MYO9B: variants seen among roughly 807,000 people sequenced by gnomAD.
The protein encoded by MYO9B is unconventional myosin-IXb.
A neutral mutation model predicts 229.5 loss-of-function variants in MYO9B; 71 were observed. The observed-to-expected ratio is 0.31, with a 90% CI of 0.26 to 0.38. MYO9B has a LOEUF of 0.38. MYO9B is among the 10% of genes least tolerant of loss of function. MYO9B has a pLI of 1.00. For missense variants in MYO9B, 2,255 were observed against 2,920.5 expected (o/e 0.77, Z 5.25); for synonymous variants, 1,185 against 1,235.8 (o/e 0.96, Z 0.86).
rs748669405 is a variant in MYO9B, at chr19:17,184,965, C to G, written c.2474C>G (p.Pro825Arg). ...CACCTGCACAAGAAGAAAAAGCCACCAAGCATCAGCGCCCAGTTCCAGGTA... is the reference window on the plus strand; with the variant it reads ...CACCTGCACAAGAAGAAAAAGCCACGAAGCATCAGCGCCCAGTTCCAGGTA... ...LLHLHKKKKP[P>R]SISAQFQTSL... Residue 825 changes from proline (P) to arginine (R), a missense_variant, in exon 17 of 40, where the codon CCA (proline) becomes CGA (arginine). This residue lies in a region of MYO9B where 68 missense variants were observed against 133.5 expected (regional missense o/e 0.51). Transcript: ENST00000682292. The G allele has an allele frequency of 6.2e-7, 1 of 1,613,960 alleles. No homozygotes were observed. Among genetic ancestry groups the G allele is most frequent in the East Asian group, 2.2e-5 (1 of 44,880 alleles).
At chr19:17,153,384 TAAAAAAAA>T (rs79301576) in intron 4 of MYO9B, among the ~76,000 whole-genome samples, 12 of 136,076 alleles carry the variant, frequency 8.8e-5, no homozygotes, top group Non-Finnish European at 1.9e-4. Flanking sequence ...TTGTCTCTTT[TAAAAAAAA>T]AAAAAAAAGA....
chr19:17,130,150 G>A (rs2072176293), intron 2 of MYO9B, among the ~76,000 whole-genome samples: 1 of 152,092 alleles, frequency 6.6e-6, no homozygotes, highest in African/African-American at 2.4e-5. Context: ...TTCCAACCAA[G>A]AGGAGAGCCA....
intron 23 of MYO9B, 118 bp from the exon 24 acceptor site, chr19:17,198,062 CAAAA>C: frequency 3.4e-6 from 4 of 1,180,950 alleles, no homozygotes; most frequent in Non-Finnish European, 2.3e-6. Flanking sequence ...GACTCCGTTT[CAAAA>C]AAAAAAAAAG....
intron 18 of MYO9B, 77 bp downstream of exon 18, chr19:17,186,078 C>A: frequency 7.5e-7 from 1 of 1,340,016 alleles, no homozygotes; most frequent in Non-Finnish European, 1.1e-6. Flanking sequence ...TGCATCCAGC[C>A]CCAGCCTCCA....
intron 11 of MYO9B, among the ~76,000 whole-genome samples, chr19:17,170,805 C>T (rs1436331605): frequency 7.5e-6 from 1 of 132,996 alleles, no homozygotes; most frequent in Non-Finnish European, 1.6e-5. Flanking sequence ...GCCTGGGCAA[C>T]AGAGCAAGAC....
At chr19:17,161,689 G>A (rs963853944) in intron 8 of MYO9B, among the ~76,000 whole-genome samples, 1 of 152,024 alleles carries the variant, frequency 6.6e-6, no homozygotes, top group Admixed American at 6.6e-5. Context: ...GGTGGTGCGT[G>A]CCTGTAATCC....
intron 3 of MYO9B, among the ~76,000 whole-genome samples, chr19:17,149,116 A>C (rs766360220): frequency 1.3e-5 from 2 of 151,994 alleles, no homozygotes; most frequent in Non-Finnish European, 2.9e-5. Context: ...CTGGGACTAC[A>C]GGTGCACACC....
chr19:17,169,394 A>C (rs541565437), intron 11 of MYO9B, among the ~76,000 whole-genome samples: 5 of 139,692 alleles, frequency 3.6e-5, no homozygotes, highest in African/African-American at 1.1e-4. Context: ...AAAAAAAAAG[A>C]TTCCATCTCT....
At chr19:17,162,581 G>T in intron 9 of MYO9B, 115 bp downstream of exon 9, 2 of 888,868 alleles carry the variant, frequency 2.3e-6, no homozygotes, top group South Asian at 3.2e-5. Flanking sequence ...CAATCAAGAG[G>T]CTGTTTCCCC....
chr19:17,099,832 A>G (rs2145017098), intron 1 of MYO9B, among the ~76,000 whole-genome samples: 1 of 148,634 alleles, frequency 6.7e-6, no homozygotes, highest in Admixed American at 6.7e-5. Flanking sequence ...AAAAAAAAAA[A>G]AAAGGCCGGG....
At chr19:17,083,391 A>G (rs537308038) in intron 1 of MYO9B, among the ~76,000 whole-genome samples, 1 of 152,214 alleles carries the variant, frequency 6.6e-6, no homozygotes, top group African/African-American at 2.4e-5. Context: ...TTGGGGGCAG[A>G]TCATTCTCTT....
chr19:17,179,517 C>T (rs1490855431), intron 14 of MYO9B, among the ~76,000 whole-genome samples: 2 of 150,104 alleles, frequency 1.3e-5, no homozygotes, highest in Non-Finnish European at 3.0e-5. Context: ...ACCTCTGCCT[C>T]CCAGGTTCAA....
Position 17,173,009 on chromosome 19 carries a change from G to A in MYO9B, c.2140+46G>A, listed in dbSNP as rs759472446. 9 of 1,581,508 alleles carry A rather than the reference G, an allele frequency of 5.7e-6. No individual in the cohort carries two copies. The Admixed American group carries it at 8.5e-5, about 15-fold the overall frequency. ...CCACAAAAGCGTCACTGTCGAGAGG[G>A]GGGCACATCCTGAGTTCATCTTAAA... On this transcript the variant is annotated intron_variant, in intron 13 of 39. Coordinates refer to ENST00000682292, the MANE Select transcript of MYO9B (RefSeq NM_004145.4).
In MYO9B at chr19:17,212,292, G is replaced by A. The variant is rs369135686; in HGVS notation, c.6456G>A (p.Ser2152=). 4,066 of 1,517,548 alleles carry A rather than the reference G, an allele frequency of 2.7e-3. 8 individuals are homozygous for A. Among genetic ancestry groups the A allele is most frequent in the Middle Eastern group, 3.3e-3 (19 of 5,736 alleles). The allele number at this position is 1,517,548 out of a possible 1,614,324, so 94.0% of individuals were successfully genotyped here. ...DPPTYCLPPA[S]GQTNG is the part of the protein sequence containing the mutation. ...CAACGTACTGCCTGCCCCCCGCCTC[G>A]GGCCAGACCAATGGCTGAGAGCCAC... Residue 2152 remains serine, a synonymous_variant, in exon 40 of 40, where the codon TCG becomes TCA. Coordinates refer to ENST00000682292, the MANE Select transcript of MYO9B (RefSeq NM_004145.4). This position sits in a 1 kb window ranked among gnomAD's most constrained non-coding sequence, Gnocchi z 5.4.
At position 17,206,239 on chromosome 19, in the gene MYO9B, A is replaced by ACC; in HGVS notation, c.5258-6_5258-5dup. The ACC allele has an allele frequency of 2.5e-6, 1 of 397,464 alleles. No homozygotes were observed. The highest frequency in any genetic ancestry group is 4.2e-6 in the Non-Finnish European group (1 of 237,458). 24.6% of individuals were successfully genotyped at this position (397,464 alleles called of 1,614,324 possible). The stretch of plus-strand genomic sequence containing the variant: ...GCCGCTCACCAGACCCACCCCACCC[A>ACC]CCCCACAGACCCCGCAGCAGTCAAG... On this transcript the variant is annotated splice_polypyrimidine_tract_variant and intron_variant, in intron 32 of 39. Transcript: ENST00000682292.
chr19:17,087,925 C>T (rs1046643609), intron 1 of MYO9B, among the ~76,000 whole-genome samples: 10 of 141,032 alleles, frequency 7.1e-5, no homozygotes, highest in Non-Finnish European at 9.2e-5. Context: ...AGCAAAACTC[C>T]GTCTCAAAAA....
intron 2 of MYO9B, among the ~76,000 whole-genome samples, chr19:17,131,307 C>T (rs1177297702): frequency 6.6e-6 from 1 of 152,248 alleles, no homozygotes; most frequent in African/African-American, 2.4e-5. Flanking sequence ...CTCGCTCTGT[C>T]ACCCAGGCTG....
chr19:17,189,136 G>A (rs1458485127), intron 19 of MYO9B, among the ~76,000 whole-genome samples: 6 of 151,046 alleles, frequency 4.0e-5, no homozygotes, highest in Non-Finnish European at 8.8e-5. Context: ...ACTGCAGCCT[G>A]GCCAACAAGA....
intron 34 of MYO9B, 55 bp downstream of exon 34, chr19:17,206,839 G>GC: frequency 7.0e-7 from 1 of 1,433,438 alleles, no homozygotes; most frequent in Non-Finnish European, 9.6e-7. Flanking sequence ...GGGAACCCGC[G>GC]AGGCAGCATT....
Sources: allele counts gnomAD v4.1 joint callset (sites outside exome capture counted in the v4.1 genomes callset), GRCh38; gene constraint gnomAD v4.1.1; regional missense constraint gnomAD v4.1.1; non-coding constraint Gnocchi (gnomAD v3.1); transcripts MANE v1.5; gene names NCBI Gene and HGNC (gene_info 2026-07-23, HGNC 2026-07-21).